Variants in TENM4 observed in about 807,000 individuals in gnomAD.
TENM4 encodes teneurin transmembrane protein 4.
In TENM4, 82 loss-of-function variants were observed where a neutral mutation model predicts 243.3. The observed-to-expected ratio is 0.34, with a 90% CI of 0.28 to 0.40. TENM4 has a LOEUF of 0.40. Among genes scored for constraint, TENM4 ranks in the 10% least tolerant of loss-of-function variants. TENM4 has a pLI of 1.00. For synonymous variants in TENM4, 1,412 were observed against 1,456.3 expected (o/e 0.97, Z 0.69); for missense variants, 3,138 against 3,673.3 (o/e 0.85, Z 3.77).
chr11:78,667,272 T>G (rs1294706429), intron 32 of TENM4, among the ~76,000 whole-genome samples: 1 of 152,198 alleles, frequency 6.6e-6, no homozygotes. Flanking sequence ...TTTCCTATGC[T>G]TGGGATGCCT....
chr11:79,081,552 T>TGTGTGTGTGTGTGC (rs1860675128), intron 4 of TENM4, among the ~76,000 whole-genome samples: 1 of 151,780 alleles, frequency 6.6e-6, no homozygotes, highest in South Asian at 2.1e-4. Flanking sequence ...TGTGTGTGTG[T>TGTGTGTGTGTGTGC]GTGTGTGTGC....
chr11:78,815,049 T>A (rs1448139589), intron 12 of TENM4, among the ~76,000 whole-genome samples: 2 of 152,140 alleles, frequency 1.3e-5, no homozygotes, highest in African/African-American at 2.4e-5. Context: ...GGCTCCCCAT[T>A]TGCTAAGATG....
intron 3 of TENM4, among the ~76,000 whole-genome samples, chr11:79,149,499 G>T (rs561151378): frequency 6.6e-6 from 1 of 151,704 alleles, no homozygotes; most frequent in Non-Finnish European, 1.5e-5. Context: ...ATTTCTTTTT[G>T]ATCTGAGAGT....
In TENM4 at chr11:78,702,307, G is replaced by A. The variant is rs772692474; in HGVS notation, c.4306C>T (p.His1436Tyr). 8.7e-6 allele frequency: 14 copies of A among 1,613,906 alleles called. No homozygotes were observed. Among genetic ancestry groups the A allele is most frequent in the African/African-American group, 1.3e-5 (1 of 74,928 alleles). Residue 1436 changes from histidine (H) to tyrosine (Y), a missense_variant, in exon 28 of 34, where the codon CAC (histidine) becomes TAC (tyrosine). By Grantham distance (83) the His-to-Tyr change is moderately conservative (BLOSUM62 2). Coordinates refer to ENST00000278550, the MANE Select transcript of TENM4 (RefSeq NM_001098816.3). ...CTCCCGGCGACAATGCGCACCTGGT[G>A]GTTTTCAGAGATTTGCAGGACCACA... ...NNVVLQISEN[H>Y]QVRIVAGRPM... is the part of the protein sequence containing the mutation.
chr11:79,207,389 G>A (rs886533242), intron 3 of TENM4, among the ~76,000 whole-genome samples: 1 of 152,152 alleles, frequency 6.6e-6, no homozygotes, highest in Non-Finnish European at 1.5e-5. Context: ...TATCTTATTT[G>A]ACCCTAACAA....
intron 3 of TENM4, among the ~76,000 whole-genome samples, chr11:79,168,731 G>A (rs762009815): frequency 1.6e-4 from 24 of 152,290 alleles, no homozygotes; most frequent in Non-Finnish European, 2.9e-4. Flanking sequence ...TCCCATAGGA[G>A]GTGGAGTCCA....
At chr11:78,891,177 A>C (rs1183089040) in intron 8 of TENM4, 61 bp downstream of exon 8, 2 of 1,474,948 alleles carry the variant, frequency 1.4e-6, no homozygotes, top group Admixed American at 2.0e-5. Context: ...CAGGGTCTGC[A>C]TGCAAGTGCA....
At chr11:79,259,636 CCCATCCATCCATCCATCCATCTATCCAT>C (rs1437368461) in intron 2 of TENM4, among the ~76,000 whole-genome samples, 2 of 141,768 alleles carry the variant, frequency 1.4e-5, no homozygotes, top group African/African-American at 2.7e-5. Context: ...CATCCACTCC[CCCATCCATCCATCCATCCATCTATCCAT>C]CCATCCATCC....
intron 6 of TENM4, among the ~76,000 whole-genome samples, chr11:78,932,263 C>T (rs534024071): frequency 6.6e-6 from 1 of 152,302 alleles, no homozygotes; most frequent in South Asian, 2.1e-4. Context: ...AACCCCCTCA[C>T]CACCACCCCC....
chr11:78,708,490 C>G lies in TENM4; in HGVS notation c.4080G>C (p.Leu1360=). The G allele has an allele frequency of 1.9e-6, 3 of 1,613,976 alleles. No homozygotes were observed. The highest frequency in any genetic ancestry group is 2.5e-6 in the Non-Finnish European group (3 of 1,179,870). ...PRGITVDKFG[L]IYFVDGTMIR... ...TCATGGTGCCATCCACGAAGTAGAT[C>G]AGCCCAAACTTGTCCACTGTAATGC... The change falls in exon 27 of 34, where the codon CTG becomes CTC. Residue 1360 remains leucine, a synonymous_variant. Transcript: ENST00000278550.
intron 2 of TENM4, among the ~76,000 whole-genome samples, chr11:79,217,361 C>A (rs1382735910): frequency 6.6e-6 from 1 of 152,068 alleles, no homozygotes; most frequent in Non-Finnish European, 1.5e-5. Context: ...ATACAAGAGA[C>A]CTACTAGGCT....
At chr11:79,338,087 G>A (rs1197015707) in intron 1 of TENM4, among the ~76,000 whole-genome samples, 1 of 152,230 alleles carries the variant, frequency 6.6e-6, no homozygotes, top group Non-Finnish European at 1.5e-5. Context: ...GTGCTGTGAA[G>A]ACAGGATCAT....
chr11:78,688,130 T>C lies in TENM4; in HGVS notation c.5184A>G (p.Val1728=), dbSNP rs760101048. The C allele has an allele frequency of 1.9e-5, 31 of 1,613,862 alleles. No homozygotes were observed. The highest frequency in any genetic ancestry group is 2.5e-5 in the Non-Finnish European group (29 of 1,179,894). ...TGACATCATCCTTGCTGGAGGTCTC[T>C]ACCTGGACATGCACTGAACTGTCTG... is the stretch of plus-strand genomic sequence containing the variant. ...SDTDSSVHVQ[V]ETSSKDDVTI... The change falls in exon 29 of 34, where the codon GTA becomes GTG. Residue 1728 remains valine, a synonymous_variant. Transcript: ENST00000278550.
At chr11:79,136,078 G>A (rs978922360) in intron 4 of TENM4, among the ~76,000 whole-genome samples, 1 of 151,758 alleles carries the variant, frequency 6.6e-6, no homozygotes, top group Non-Finnish European at 1.5e-5. Flanking sequence ...CTACAAATAT[G>A]GTGCAGTATA....
At chr11:79,112,339 G>A (rs1262998304) in intron 4 of TENM4, among the ~76,000 whole-genome samples, 1 of 152,194 alleles carries the variant, frequency 6.6e-6, no homozygotes. Context: ...CATGGTTGGG[G>A]GCACAGAGAG....
At position 79,308,673 on chromosome 11, in the gene TENM4, G is replaced by A. The variant is rs1856667002; in HGVS notation, c.-320-11130C>T. ...AAACTTGAACTCCCAAAGGGGCAGG[G>A]GCTTGCACAGGGCTACACGGCACGT... On this transcript the variant is annotated intron_variant, in intron 1 of 33. Coordinates refer to ENST00000278550, the MANE Select transcript of TENM4 (RefSeq NM_001098816.3). 1.3e-5 allele frequency among the ~76,000 whole-genome samples: 2 copies of A among 152,096 alleles called. 1 individual carries two copies. Among genetic ancestry groups the A allele is most frequent in the South Asian group, 4.2e-4 (2 of 4,818 alleles).
intron 2 of TENM4, among the ~76,000 whole-genome samples, chr11:79,241,934 CCA>C (rs1326585206): frequency 2.6e-5 from 4 of 152,168 alleles, no homozygotes; most frequent in Admixed American, 6.5e-5. Context: ...AGAAGTAACT[CCA>C]GTTAGCTCCT....
chr11:78,732,635 T>A (rs568898853), intron 20 of TENM4, 58 bp from the exon 21 acceptor site: 3 of 1,518,234 alleles, frequency 2.0e-6, no homozygotes, highest in Non-Finnish European at 2.7e-6. Context: ...GGAACCAGGA[T>A]GAGAAAGAGA....
At chr11:78,708,952 TTTC>T (rs1565343027) in intron 26 of TENM4, among the ~76,000 whole-genome samples, 2 of 126,798 alleles carry the variant, frequency 1.6e-5, no homozygotes, top group South Asian at 2.3e-4. Context: ...CCATTTTTCT[TTTC>T]TTTCTTTTTC....
Sources: allele counts gnomAD v4.1 joint callset (sites outside exome capture counted in the v4.1 genomes callset), GRCh38; gene constraint gnomAD v4.1.1; transcripts MANE v1.5; gene names NCBI Gene and HGNC (gene_info 2026-07-23, HGNC 2026-07-21).